The following TENM3 variants were observed in gnomAD, a reference collection of about 807,000 sequenced individuals.
TENM3 encodes teneurin transmembrane protein 3, also known as teneurin-3.
A neutral mutation model predicts 255.1 loss-of-function variants in TENM3; 63 were observed. The ratio of observed to expected loss-of-function variants is 0.25; its 90% CI spans 0.20 to 0.30. The LOEUF is 0.30. TENM3 is among the 10% of genes least tolerant of loss of function. The pLI is 1.00. For missense variants in TENM3, 2,929 were observed against 3,461.1 expected (o/e 0.85, Z 3.86); for synonymous variants, 1,306 against 1,322.3 (o/e 0.99, Z 0.27).
chr4:182,526,959 CCTTT>C (rs1465780827), intron 3 of TENM3, among the ~76,000 whole-genome samples: 4 of 146,194 alleles, frequency 2.7e-5, no homozygotes, highest in Admixed American at 6.7e-5. Context: ...CCCTTTCGCT[CCTTT>C]CTGAGTTCTT....
At chr4:182,082,818 G>A in the TENM3 span, among the ~76,000 whole-genome samples, 6 of 152,136 alleles carry the variant, frequency 3.9e-5, no homozygotes, top group South Asian at 2.1e-4. Context: ...TATGTAGTAC[G>A]CAATCCACTT....
At chr4:182,212,678 T>C (rs557098411) in intron 1 of TENM3, among the ~76,000 whole-genome samples, 2 of 152,344 alleles carry the variant, frequency 1.3e-5, no homozygotes, top group East Asian at 3.9e-4. Context: ...AGCTGCGGCT[T>C]CCTAATCCTT....
chr4:181,609,519 GC>G, the TENM3 span, among the ~76,000 whole-genome samples: 4 of 152,298 alleles, frequency 2.6e-5, no homozygotes, highest in African/African-American at 7.2e-5. Context: ...AGAATGCACA[GC>G]CCCATGAGCC....
the TENM3 span, among the ~76,000 whole-genome samples, chr4:181,846,505 T>C: frequency 1.3e-5 from 2 of 152,206 alleles, no homozygotes; most frequent in Admixed American, 1.3e-4. Flanking sequence ...TTTGTTTGAG[T>C]CATTTTGGTT....
chr4:182,384,954 C>G (rs1029789934), intron 3 of TENM3, among the ~76,000 whole-genome samples: 6 of 152,134 alleles, frequency 3.9e-5, no homozygotes, highest in African/African-American at 1.4e-4. Context: ...AGTTAGCAGT[C>G]TGGCCTCAGT....
At chr4:182,090,123 T>C in the TENM3 span, among the ~76,000 whole-genome samples, 1 of 152,222 alleles carries the variant, frequency 6.6e-6, no homozygotes, top group Non-Finnish European at 1.5e-5. Context: ...CTCTTCAAAA[T>C]TGCTCAATGG....
At chr4:181,724,141 G>A in the TENM3 span, among the ~76,000 whole-genome samples, 5 of 152,196 alleles carry the variant, frequency 3.3e-5, no homozygotes, top group South Asian at 2.1e-4. Flanking sequence ...GCCCTGTGGC[G>A]TTTGATGCTT....
chr4:181,458,268 C>T, the TENM3 span, among the ~76,000 whole-genome samples: 1 of 151,894 alleles, frequency 6.6e-6, no homozygotes, highest in African/African-American at 2.4e-5. Context: ...AATATTACTG[C>T]TCATCAGATC....
At chr4:181,856,050 A>G in the TENM3 span, among the ~76,000 whole-genome samples, 1 of 21,656 alleles carries the variant, frequency 4.6e-5, no homozygotes, top group Non-Finnish European at 2.1e-4. Flanking sequence ...GGAAGGAAGG[A>G]AAGGGAAAGA....
At chr4:182,100,839 AC>A in the TENM3 span, among the ~76,000 whole-genome samples, 7,769 of 10,830 alleles carry the variant, frequency 0.72, 2,796 homozygotes, top group Non-Finnish European at 0.77. Context: ...ATATATATAT[AC>A]TCATATATAT....
chr4:182,191,188 T>C (rs1288522853), intron 1 of TENM3, among the ~76,000 whole-genome samples: 1 of 152,194 alleles, frequency 6.6e-6, no homozygotes. Flanking sequence ...AGAGCTTGCA[T>C]TTTGGGGCAT....
the TENM3 span, among the ~76,000 whole-genome samples, chr4:181,467,103 G>GTATATA: frequency 1.5e-5 from 1 of 66,356 alleles, no homozygotes; most frequent in African/African-American, 8.3e-5. Context: ...GTGTGTGTGT[G>GTATATA]TATATATATA....
chr4:182,115,602 A>C, the TENM3 span, among the ~76,000 whole-genome samples: 1 of 152,326 alleles, frequency 6.6e-6, no homozygotes, highest in South Asian at 2.1e-4. Context: ...GACTTTGATA[A>C]CATAATTTCA....
At chr4:181,715,094 G>T in the TENM3 span, among the ~76,000 whole-genome samples, 1 of 152,194 alleles carries the variant, frequency 6.6e-6, no homozygotes, top group Non-Finnish European at 1.5e-5. Context: ...ATACGTGGTA[G>T]AGCAGGGTCT....
the TENM3 span, among the ~76,000 whole-genome samples, chr4:181,516,416 C>T: frequency 1.3e-5 from 2 of 149,774 alleles, no homozygotes; most frequent in African/African-American, 4.9e-5. Context: ...GAATCAGACC[C>T]AAAATCACAT....
intron 12 of TENM3, among the ~76,000 whole-genome samples, chr4:182,691,598 T>C (rs143069444): frequency 5.3e-5 from 8 of 152,352 alleles, no homozygotes; most frequent in African/African-American, 1.9e-4. Flanking sequence ...TATTTTCCTC[T>C]CATTATGAAT....
At chr4:181,455,185 A>G in the TENM3 span, among the ~76,000 whole-genome samples, 1 of 152,150 alleles carries the variant, frequency 6.6e-6, no homozygotes, top group Non-Finnish European at 1.5e-5. Context: ...TTCTTCTAAA[A>G]GTACTAGGTA....
the TENM3 span, among the ~76,000 whole-genome samples, chr4:181,945,604 C>T: frequency 6.6e-6 from 1 of 151,776 alleles, no homozygotes; most frequent in African/African-American, 2.4e-5. Context: ...GTTGGGGCAC[C>T]TCCAACCTCA....
chr4:181,888,735 G>A, the TENM3 span, among the ~76,000 whole-genome samples: 5 of 149,878 alleles, frequency 3.3e-5, no homozygotes, highest in African/African-American at 7.4e-5. Context: ...GGTTCAGTCC[G>A]AAGGCCTTGG....
Sources: gnomAD v4.1 joint callset for allele counts (sites outside exome capture counted in the v4.1 genomes callset) on GRCh38, gnomAD v4.1.1 for gene constraint, MANE v1.5 for transcripts, NCBI Gene and HGNC (gene_info 2026-07-23, HGNC 2026-07-21) for gene names.